GPC5: variants seen among roughly 807,000 people sequenced by gnomAD.
The protein encoded by GPC5 is glypican 5.
GPC5 carries 47 observed loss-of-function variants against 53.9 expected under a neutral mutation model. The observed-to-expected ratio is 0.87, with a 90% CI of 0.69 to 1.11. The LOEUF is 1.11. GPC5 is among the 50% of genes most tolerant of loss of function. GPC5 has a pLI of 0.00. For missense variants in GPC5, 748 were observed against 713.1 expected, an observed-to-expected ratio of 1.05 and a Z score of -0.56; for synonymous variants, 286 against 263.3, an observed-to-expected ratio of 1.09 and a Z score of -0.84.
intron 7 of GPC5, among the ~76,000 whole-genome samples, chr13:92,405,735 ACT>A (rs1491220656): frequency 2.6e-5 from 4 of 152,072 alleles, no homozygotes; most frequent in African/African-American, 9.7e-5. Flanking sequence ...AAATCTCTAG[ACT>A]CTCATCTCTT....
chr13:92,170,616 G>A (rs1593957290), intron 7 of GPC5, among the ~76,000 whole-genome samples: 2 of 151,622 alleles, frequency 1.3e-5, no homozygotes, highest in South Asian at 2.1e-4. Context: ...GTAGAAACGG[G>A]GTTTCACCAT....
At chr13:91,889,479 A>G (rs2039361784) in intron 5 of GPC5, among the ~76,000 whole-genome samples, 1 of 151,246 alleles carries the variant, frequency 6.6e-6, no homozygotes, top group African/African-American at 2.4e-5. Context: ...TTCTTTTTTA[A>G]TTGGAACTTG....
intron 5 of GPC5, among the ~76,000 whole-genome samples, chr13:91,889,799 C>G (rs751508188): frequency 6.6e-6 from 1 of 152,112 alleles, no homozygotes; most frequent in African/African-American, 2.4e-5. Context: ...TTGACCTCAA[C>G]AAAAGTACAG....
At chr13:92,152,880 T>C (rs1206664864) in intron 7 of GPC5, among the ~76,000 whole-genome samples, 1 of 152,228 alleles carries the variant, frequency 6.6e-6, no homozygotes, top group Admixed American at 6.5e-5. Context: ...AACATTTCCA[T>C]GGCCCTATAG....
chr13:92,086,809 C>A (rs1305397965), intron 6 of GPC5, among the ~76,000 whole-genome samples: 1 of 152,152 alleles, frequency 6.6e-6, no homozygotes. Flanking sequence ...CAGGCACCTG[C>A]CAACATGCCT....
At chr13:91,847,916 C>T (rs941306161) in intron 5 of GPC5, among the ~76,000 whole-genome samples, 9 of 152,192 alleles carry the variant, frequency 5.9e-5, no homozygotes, top group African/African-American at 2.2e-4. Flanking sequence ...AAAATACAGC[C>T]TCAATTTCTG....
intron 7 of GPC5, among the ~76,000 whole-genome samples, chr13:92,738,356 C>A (rs1226645152): frequency 6.6e-6 from 1 of 151,926 alleles, no homozygotes; most frequent in African/African-American, 2.4e-5. Context: ...TTTTGAATGA[C>A]AGATTATTTG....
At chr13:91,571,886 C>T (rs538045036) in intron 2 of GPC5, among the ~76,000 whole-genome samples, 3 of 64,982 alleles carry the variant, frequency 4.6e-5, no homozygotes, top group Admixed American at 1.5e-4. Flanking sequence ...CACACATATA[C>T]GTGTGTATAT....
chr13:92,590,596 A>G (rs76601627), intron 7 of GPC5, among the ~76,000 whole-genome samples: 152 of 152,256 alleles, frequency 1.0e-3, no homozygotes, highest in African/African-American at 3.6e-3. Flanking sequence ...TTCTGAATTC[A>G]CTTTCTATTT....
intron 7 of GPC5, among the ~76,000 whole-genome samples, chr13:92,483,652 C>T (rs746017706): frequency 1.5e-5 from 2 of 131,204 alleles, no homozygotes; most frequent in African/African-American, 5.8e-5. Context: ...ATAAATTTAC[C>T]TTAACACTGT....
intron 7 of GPC5, among the ~76,000 whole-genome samples, chr13:92,697,972 G>A (rs142298225): frequency 1.1e-4 from 16 of 152,144 alleles, no homozygotes; most frequent in African/African-American, 3.9e-4. Context: ...TTTTGTCACT[G>A]GTTCTGTTTA....
At chr13:91,889,451 G>C (rs1468525782) in intron 5 of GPC5, among the ~76,000 whole-genome samples, 1 of 146,458 alleles carries the variant, frequency 6.8e-6, no homozygotes, top group Non-Finnish European at 1.5e-5. Context: ...TGTTTGCTTT[G>C]TTTTACTGAT....
At chr13:92,065,039 C>T (rs1463381384) in intron 6 of GPC5, among the ~76,000 whole-genome samples, 1 of 151,858 alleles carries the variant, frequency 6.6e-6, no homozygotes, top group African/African-American at 2.4e-5. Context: ...TTTGATAATG[C>T]AGAAAGAAGC....
At chr13:91,520,310 C>T (rs1885734816) in intron 2 of GPC5, among the ~76,000 whole-genome samples, 1 of 152,198 alleles carries the variant, frequency 6.6e-6, no homozygotes, top group African/African-American at 2.4e-5. Context: ...TCATGTATCA[C>T]CTTGGCTAGT....
intron 3 of GPC5, among the ~76,000 whole-genome samples, chr13:91,720,440 A>G (rs2036439116): frequency 6.6e-6 from 1 of 152,134 alleles, no homozygotes; most frequent in Admixed American, 6.5e-5. Context: ...GTAGTTTGAG[A>G]TAACTCACTC....
At chr13:92,854,015 T>G (rs1206135035) in intron 7 of GPC5, among the ~76,000 whole-genome samples, 1 of 152,038 alleles carries the variant, frequency 6.6e-6, no homozygotes, top group Non-Finnish European at 1.5e-5. Context: ...GGTTCTCCTT[T>G]AGTTTTGGCT....
At chr13:91,969,049 G>T (rs1029759326) in intron 6 of GPC5, among the ~76,000 whole-genome samples, 1 of 151,012 alleles carries the variant, frequency 6.6e-6, no homozygotes, top group Non-Finnish European at 1.5e-5. Flanking sequence ...ACTAACTGCA[G>T]CCTCCGCCTC....
chr13:92,767,716 TGAG>T (rs1294120427), intron 7 of GPC5, among the ~76,000 whole-genome samples: 1 of 152,176 alleles, frequency 6.6e-6, no homozygotes, highest in Non-Finnish European at 1.5e-5. Context: ...CATTTTCTAA[TGAG>T]GAAAGTACGT....
chr13:91,721,331 C>T lies in GPC5; in HGVS notation c.1021-7201C>T, dbSNP rs371254398. 3.2e-4 allele frequency among the ~76,000 whole-genome samples: 49 copies of T among 152,142 alleles called. 1 individual carries two copies. In the South Asian group the frequency reaches 1.0e-2, roughly 31 times the overall value. On this transcript the variant is annotated intron_variant, in intron 3 of 7. Coordinates refer to ENST00000377067, the MANE Select transcript of GPC5 (RefSeq NM_004466.6). ...TGTGTTTTTAGTAGAGATAGGGTTTCACCGTGTTGGCCAGGCTGGTGTCGA... is the reference window on the plus strand; with the variant it reads ...TGTGTTTTTAGTAGAGATAGGGTTTTACCGTGTTGGCCAGGCTGGTGTCGA...
Sources: gnomAD v4.1 joint callset for allele counts (sites outside exome capture counted in the v4.1 genomes callset) on GRCh38, gnomAD v4.1.1 for gene constraint, MANE v1.5 for transcripts, NCBI Gene and HGNC (gene_info 2026-07-23, HGNC 2026-07-21) for gene names.